Variants in EHBP1 observed in about 807,000 individuals in gnomAD.
EHBP1 encodes EH domain binding protein 1.
Under a neutral mutation model 144.0 loss-of-function variants are expected in EHBP1, and 55 were observed. The observed-to-expected ratio is 0.38, with a 90% CI of 0.31 to 0.48. The LOEUF is 0.48. Among genes scored for constraint, EHBP1 ranks in the 20% least tolerant of loss-of-function variants. The pLI, the probability that EHBP1 is intolerant of heterozygous loss-of-function variation, is 0.98. For synonymous variants in EHBP1, 469 were observed against 472.7 expected (o/e 0.99, Z 0.10); for missense variants, 1,200 against 1,364.2 (o/e 0.88, Z 1.90).
intron 2 of EHBP1, among the ~76,000 whole-genome samples, chr2:62,727,236 T>TCCAC (rs2036906550): frequency 6.6e-6 from 1 of 152,110 alleles, no homozygotes; most frequent in Non-Finnish European, 1.5e-5. Context: ...TCCACCTTGT[T>TCCAC]CCACCCAACT....
chr2:62,859,383 C>T (rs2049326982), intron 8 of EHBP1, 92 bp downstream of exon 8: 11 of 1,221,284 alleles, frequency 9.0e-6, no homozygotes, highest in South Asian at 3.6e-5. Flanking sequence ...GAGACTAACA[C>T]ACAAAAAATT....
At chr2:62,677,375 T>A (rs1440891141) in intron 1 of EHBP1, among the ~76,000 whole-genome samples, 1 of 152,198 alleles carries the variant, frequency 6.6e-6, no homozygotes, top group Non-Finnish European at 1.5e-5. Flanking sequence ...TTTGTGGGTA[T>A]ACAACAGGTG....
Position 62,936,333 on chromosome 2 carries a change from A to G in EHBP1, c.1186-6385A>G, listed in dbSNP as rs556151235. Among the ~76,000 whole-genome samples, 14 of 152,306 alleles carry G rather than the reference A, an allele frequency of 9.2e-5. No homozygotes were observed. The South Asian group carries it at 2.9e-3, about 32-fold the overall frequency. On this transcript the variant is annotated intron_variant, in intron 10 of 22. Transcript: ENST00000431489. The stretch of plus-strand genomic sequence containing the variant: ...CTTCTTGTGTCTGTTGCAGTAAGCT[A>G]TACTTTTCTAGGAATTTGCTTCTCT...
chr2:62,674,057 C>A (rs2033196873), exon 1 of EHBP1: 1 of 470,976 alleles, frequency 2.1e-6, no homozygotes, highest in Non-Finnish European at 4.4e-6. Flanking sequence ...AAAAGCCAAG[C>A]CAACCACCTA....
chr2:62,794,746 A>G (rs1435142791), intron 5 of EHBP1, among the ~76,000 whole-genome samples: 1 of 152,058 alleles, frequency 6.6e-6, no homozygotes, highest in Non-Finnish European at 1.5e-5. Flanking sequence ...TACTAAACAG[A>G]TAAGTCACAA....
intron 19 of EHBP1, among the ~76,000 whole-genome samples, chr2:63,020,728 G>C (rs535473753): frequency 3.2e-4 from 48 of 151,624 alleles, no homozygotes; most frequent in African/African-American, 1.1e-3. Flanking sequence ...GCCTAGGCTG[G>C]AGTGCAGTAG....
rs765675811 is a variant in EHBP1 at position 62,949,088 on chromosome 2, A to T, written c.2242A>T (p.Arg748Trp). The part of the protein sequence containing the change: ...DLAKKKHASL[R>W]QTESDPDADR... ...TGCTAAGAAAAAACATGCTTCCCTG[A>T]GGCAGACGGAGTCTGATCCAGATGC... The change falls in exon 13 of 23, where the codon AGG (arginine) becomes TGG (tryptophan). Residue 748 changes from arginine (R) to tryptophan (W), a missense_variant. Around this residue, in one of 6 missense-constraint regions of EHBP1, gnomAD observed 543 missense variants for 513.1 expected, o/e 1.06. Transcript: ENST00000431489. The T allele has an allele frequency of 4.4e-6, 7 of 1,603,276 alleles. No individual in the cohort carries two copies. In the Admixed American group the frequency reaches 1.2e-4, roughly 28 times the overall value.
chr2:62,801,413 A>T lies in EHBP1; in HGVS notation c.313-24674A>T, dbSNP rs548361477. The stretch of plus-strand genomic sequence containing the variant: ...CCATCTATACTGAAGTGTTGTGAGT[A>T]TATTACAGACATCATGACAGGACTG... On this transcript the variant is annotated intron_variant, in intron 5 of 22. Transcript: ENST00000431489. 6.6e-5 allele frequency among the ~76,000 whole-genome samples: 10 copies of T among 152,376 alleles called. No homozygotes were observed. In the South Asian group the frequency reaches 1.9e-3, roughly 28 times the overall value.
At chr2:62,922,866 G>A (rs1430507228) in intron 10 of EHBP1, among the ~76,000 whole-genome samples, 1 of 152,158 alleles carries the variant, frequency 6.6e-6, no homozygotes. Flanking sequence ...TAACAGGTAA[G>A]CAGAAGATCT....
chr2:63,021,515 G>T (rs1463387994), intron 19 of EHBP1, among the ~76,000 whole-genome samples: 1 of 152,148 alleles, frequency 6.6e-6, no homozygotes, highest in Non-Finnish European at 1.5e-5. Flanking sequence ...CTTAGACATT[G>T]TATTTTGAGA....
chr2:62,881,687 T>C (rs1299080448), intron 10 of EHBP1: 4 of 152,208 alleles, frequency 2.6e-5, no homozygotes, highest in African/African-American at 9.6e-5. Flanking sequence ...GTCACTCTTT[T>C]TTAGAAATTT....
intron 5 of EHBP1, among the ~76,000 whole-genome samples, chr2:62,785,624 A>T (rs2042750793): frequency 6.6e-6 from 1 of 152,154 alleles, no homozygotes; most frequent in South Asian, 2.1e-4. Flanking sequence ...AGTTGGATAT[A>T]TCAGTGATTT....
rs376267410 is a variant in EHBP1 at position 62,778,277 on chromosome 2, C to T, written c.312+6885C>T. Among the ~76,000 whole-genome samples, 165 of 152,140 alleles carry T rather than the reference C, an allele frequency of 1.1e-3. 1 individual carries two copies. The Middle Eastern group carries it at 0.014, about 13-fold the overall frequency. On this transcript the variant is annotated intron_variant, in intron 5 of 22. Coordinates refer to ENST00000431489, the MANE Select transcript of EHBP1 (RefSeq NM_001142616.3). The stretch of plus-strand genomic sequence containing the variant: ...GCAGATGGCTGGACCTGGTAGCACA[C>T]GCCTGAATCTTAACACTTTGGGAGC...
chr2:62,725,580 C>G (rs577398174), intron 2 of EHBP1, among the ~76,000 whole-genome samples: 9 of 152,276 alleles, frequency 5.9e-5, no homozygotes, highest in Middle Eastern at 3.4e-3. Context: ...TGGTTTCACT[C>G]CCACAGCAGT....
chr2:62,804,438 T>C (rs1273533605), intron 5 of EHBP1, among the ~76,000 whole-genome samples: 1 of 152,160 alleles, frequency 6.6e-6, no homozygotes, highest in Non-Finnish European at 1.5e-5. Context: ...AAAGGAATTA[T>C]AAGTGGATGA....
At chr2:62,879,017 CAAAA>C (rs796990216) in intron 10 of EHBP1, among the ~76,000 whole-genome samples, 1 of 72,270 alleles carries the variant, frequency 1.4e-5, no homozygotes, top group African/African-American at 5.3e-5. Flanking sequence ...GACGCTGTCT[CAAAA>C]AAAAAAAAAA....
intron 2 of EHBP1, among the ~76,000 whole-genome samples, chr2:62,716,666 C>G (rs552545032): frequency 7.2e-5 from 11 of 152,290 alleles, no homozygotes; most frequent in African/African-American, 2.6e-4. Flanking sequence ...TTCATTGCCA[C>G]GGAGTTGATG....
chr2:62,797,283 C>G (rs2043607297), intron 5 of EHBP1, among the ~76,000 whole-genome samples: 1 of 152,174 alleles, frequency 6.6e-6, no homozygotes, highest in South Asian at 2.1e-4. Context: ...TGAGCACCAA[C>G]AGCATACTGG....
At chr2:62,818,110 T>C (rs13028894) in intron 5 of EHBP1, among the ~76,000 whole-genome samples, 4 of 148,866 alleles carry the variant, frequency 2.7e-5, no homozygotes, top group Non-Finnish European at 6.0e-5. Flanking sequence ...TTAAATGGTA[T>C]GCCTGTATAG....
Sources: allele counts gnomAD v4.1 joint callset (sites outside exome capture counted in the v4.1 genomes callset), GRCh38; gene constraint gnomAD v4.1.1; regional missense constraint gnomAD v4.1.1; transcripts MANE v1.5; gene names NCBI Gene and HGNC (gene_info 2026-07-23, HGNC 2026-07-21).